The following EMP1 variants were observed in gnomAD, a reference collection of about 807,000 sequenced individuals.
EMP1 encodes tumor-associated membrane protein.
Under a neutral mutation model 15.7 loss-of-function variants are expected in EMP1, and 5 were observed. The ratio of observed to expected loss-of-function variants is 0.32; its 90% confidence interval spans 0.17 to 0.67. The LOEUF (loss-of-function observed/expected upper bound fraction) is 0.67, where lower values mean the gene tolerates loss of function less well. Ranked by LOEUF, EMP1 falls within the 30% of genes least tolerant of loss-of-function variation. The probability of loss-of-function intolerance (pLI) is 0.74; values close to 1 mark genes in which losing one functional copy is unlikely to be tolerated. For synonymous variants in EMP1, 78 were observed against 76.7 expected (o/e 1.02, Z -0.09); for missense variants, 166 against 194.2 (o/e 0.85, Z 0.86).
intron 1 of EMP1, among the ~76,000 whole-genome samples, chr12:13,197,304 G>C (rs1864023545): frequency 6.6e-6 from 1 of 152,178 alleles, no homozygotes; most frequent in Non-Finnish European, 1.5e-5. Flanking sequence ...GACTTGAACT[G>C]TTACTCTGCT....
intron 1 of EMP1, among the ~76,000 whole-genome samples, chr12:13,200,442 C>T (rs1052134012): frequency 5.3e-5 from 8 of 152,190 alleles, no homozygotes; most frequent in Non-Finnish European, 7.3e-5. Flanking sequence ...CCTTAACCAG[C>T]GTAGAACGGG....
intron 1 of EMP1, among the ~76,000 whole-genome samples, chr12:13,210,741 A>G (rs1864157837): frequency 6.6e-6 from 1 of 152,224 alleles, no homozygotes; most frequent in Non-Finnish European, 1.5e-5. Context: ...CTCTGCCCAG[A>G]CCAATGGCAG....
chr12:13,205,983 C>T (rs1170543938), intron 1 of EMP1, among the ~76,000 whole-genome samples: 1 of 152,054 alleles, frequency 6.6e-6, no homozygotes, highest in Non-Finnish European at 1.5e-5. Flanking sequence ...AGGGGAGTGC[C>T]ATGGTCAGAT....
chr12:13,203,266 C>A (rs1253170049), intron 1 of EMP1, among the ~76,000 whole-genome samples: 1 of 152,248 alleles, frequency 6.6e-6, no homozygotes. Context: ...TGAAGACATT[C>A]TGGCTGCCAG....
At position 13,219,853 on chromosome 12, in the gene EMP1, C is replaced by A. The variant is rs774263303; in HGVS notation, c.*5162C>A. 6.6e-6 allele frequency: 1 copy of A among 152,066 alleles called. No individual in the cohort carries two copies. The highest frequency in any genetic ancestry group is 1.5e-5 in the Non-Finnish European group (1 of 68,000). The allele number at this position is 152,066 out of a possible 1,614,324, so 9.4% of individuals were successfully genotyped here. A position where few individuals can be genotyped will look rare whatever the true frequency, so the allele number is the denominator to read the frequency against. On this transcript the variant is annotated 3_prime_UTR_variant, in exon 5 of 5. Coordinates refer to ENST00000256951, the MANE Select transcript of EMP1 (RefSeq NM_001423.3). ...AGTATATTTTTCCATACGAAAAATT[C>A]AGAACTATTTTATTTATGATATGGG...
intron 1 of EMP1, among the ~76,000 whole-genome samples, chr12:13,201,477 T>C (rs182163285): frequency 1.4e-4 from 21 of 152,144 alleles, no homozygotes; most frequent in Admixed American, 1.2e-3. Flanking sequence ...AAAATTAAGA[T>C]CCTACCATTT....
At chr12:13,203,938 C>G (rs1040797627) in intron 1 of EMP1, among the ~76,000 whole-genome samples, 1 of 152,160 alleles carries the variant, frequency 6.6e-6, no homozygotes, top group Non-Finnish European at 1.5e-5. Flanking sequence ...GGCTCCTCAC[C>G]CCTGACTATG....
At chr12:13,202,076 G>T (rs1411819425) in intron 1 of EMP1, among the ~76,000 whole-genome samples, 1 of 152,126 alleles carries the variant, frequency 6.6e-6, no homozygotes, top group Non-Finnish European at 1.5e-5. Context: ...CTAGAAGCAG[G>T]AGAAAAAGCT....
At chr12:13,214,020 C>T (rs1565580065) in intron 4 of EMP1, 199 bp downstream of exon 4, 2 of 818,332 alleles carry the variant, frequency 2.4e-6, no homozygotes, top group Non-Finnish European at 4.1e-6. Context: ...TTGTTCAAAA[C>T]CAGTGCTCCT....
intron 4 of EMP1, 90 bp from the exon 5 acceptor site, chr12:13,214,444 G>A: frequency 6.5e-7 from 1 of 1,527,094 alleles, no homozygotes; most frequent in South Asian, 1.2e-5. Context: ...TATTGCTAAT[G>A]AGGGAAATAG....
At chr12:13,214,046 G>A (rs1325138534) in intron 4 of EMP1, 1 of 715,416 alleles carries the variant, frequency 1.4e-6, no homozygotes, top group Non-Finnish European at 2.5e-6. Context: ...GCTACCAAGT[G>A]GCAGTGCATA....
intron 1 of EMP1, among the ~76,000 whole-genome samples, chr12:13,207,349 A>G (rs1285455291): frequency 6.6e-6 from 1 of 152,126 alleles, no homozygotes; most frequent in Non-Finnish European, 1.5e-5. Context: ...CCTCAGGGTT[A>G]TTTCTACTGA....
At chr12:13,206,714 T>C (rs1401193218) in intron 1 of EMP1, among the ~76,000 whole-genome samples, 1 of 152,192 alleles carries the variant, frequency 6.6e-6, no homozygotes, top group East Asian at 1.9e-4. Flanking sequence ...GGGAACCAAA[T>C]TATGCACCTC....
At position 13,217,467 on chromosome 12, in the gene EMP1, A is replaced by G. The variant is rs867050355; in HGVS notation, c.*2776A>G. On this transcript the variant is annotated 3_prime_UTR_variant, in exon 5 of 5. Coordinates refer to ENST00000256951, the MANE Select transcript of EMP1 (RefSeq NM_001423.3). ...CAACATATTTTAAGTCAATTAATCA[A>G]ATTGCATTGATTCTTGATGCTTTCT... 6.6e-6 allele frequency: 1 copy of G among 152,228 alleles called. No individual in the cohort carries two copies. Among genetic ancestry groups the G allele is most frequent in the African/African-American group, 2.4e-5 (1 of 41,454 alleles). 9.4% of individuals were successfully genotyped at this position (152,228 alleles called of 1,614,324 possible). A position where few individuals can be genotyped will look rare whatever the true frequency, so the allele number is the denominator to read the frequency against.
chr12:13,204,044 A>G (rs1021720493), intron 1 of EMP1, among the ~76,000 whole-genome samples: 10 of 152,164 alleles, frequency 6.6e-5, no homozygotes, highest in Admixed American at 1.3e-4. Flanking sequence ...GATGAAAAAA[A>G]TAATTGTTTT....
At chr12:13,210,886 T>C (rs1157888021) in intron 1 of EMP1, among the ~76,000 whole-genome samples, 2 of 152,252 alleles carry the variant, frequency 1.3e-5, no homozygotes, top group Non-Finnish European at 2.9e-5. Context: ...AACAGCATTA[T>C]AATAATAGAA....
intron 4 of EMP1, chr12:13,214,260 G>T: frequency 1.7e-6 from 1 of 597,440 alleles, no homozygotes; most frequent in East Asian, 2.8e-5. Flanking sequence ...GGCCAGACAG[G>T]ACAGCTGGGT....
At chr12:13,205,041 T>C (rs1352699163) in intron 1 of EMP1, among the ~76,000 whole-genome samples, 2 of 152,204 alleles carry the variant, frequency 1.3e-5, no homozygotes, top group Non-Finnish European at 2.9e-5. Context: ...CTCGGACGTA[T>C]TGTCAGAAAA....
At chr12:13,201,058 G>A (rs1414691597) in intron 1 of EMP1, among the ~76,000 whole-genome samples, 3 of 152,162 alleles carry the variant, frequency 2.0e-5, no homozygotes, top group African/African-American at 4.8e-5. Context: ...AACCACAGGC[G>A]AGACACTTGT....
Sources: allele counts gnomAD v4.1 joint callset (sites outside exome capture counted in the v4.1 genomes callset), GRCh38; gene constraint gnomAD v4.1.1; transcripts MANE v1.5; gene names NCBI Gene and HGNC (gene_info 2026-07-23, HGNC 2026-07-21).